Variants in CFAP221 observed in about 807,000 individuals in gnomAD.
CFAP221 encodes cilia and flagella associated protein 221.
CFAP221 carries 97 observed loss-of-function variants against 113.1 expected under a neutral mutation model. That is an observed-to-expected ratio of 0.86 (90% confidence interval 0.73 to 1.02). The LOEUF is 1.02. Ranked by LOEUF, CFAP221 falls within the 50% of genes least tolerant of loss-of-function variation. CFAP221 has a pLI of 0.00. For missense variants in CFAP221, 1,025 were observed against 1,013.4 expected, an observed-to-expected ratio of 1.01 and a Z score of -0.16; for synonymous variants, 331 against 354.4, an observed-to-expected ratio of 0.93 and a Z score of 0.74.
At chr2:119,616,522 C>T (rs1574142904) in intron 14 of CFAP221, among the ~76,000 whole-genome samples, 1 of 152,178 alleles carries the variant, frequency 6.6e-6, no homozygotes, top group Non-Finnish European at 1.5e-5. Context: ...GCTTCCTCAC[C>T]CTCATGCTGG....
intron 7 of CFAP221, among the ~76,000 whole-genome samples, chr2:119,596,491 C>T (rs1683988650): frequency 6.6e-6 from 1 of 152,346 alleles, no homozygotes; most frequent in East Asian, 1.9e-4. Context: ...TCTACTCAGA[C>T]TCCTTCTCCA....
chr2:119,609,344 G>T (rs1197865055), intron 12 of CFAP221, among the ~76,000 whole-genome samples: 1 of 152,186 alleles, frequency 6.6e-6, no homozygotes, highest in African/African-American at 2.4e-5. Flanking sequence ...GGCTCAGACT[G>T]CCATAACAAA....
At chr2:119,650,678 T>G (rs993237987) in intron 22 of CFAP221, among the ~76,000 whole-genome samples, 1 of 152,240 alleles carries the variant, frequency 6.6e-6, no homozygotes, top group African/African-American at 2.4e-5. Flanking sequence ...TTAATCCTTA[T>G]GATGAGCTCT....
intron 20 of CFAP221, 133 bp from the exon 21 acceptor site, chr2:119,639,648 A>C: frequency 1.4e-6 from 1 of 694,782 alleles, no homozygotes; most frequent in South Asian, 1.8e-5. Flanking sequence ...CTTCAGAAAA[A>C]TTCAAACTGA....
chr2:119,618,169 G>A (rs1158049996), intron 14 of CFAP221, among the ~76,000 whole-genome samples: 1 of 152,144 alleles, frequency 6.6e-6, no homozygotes, highest in Non-Finnish European at 1.5e-5. Context: ...TACACACGTG[G>A]AATATCAGCT....
intron 14 of CFAP221, among the ~76,000 whole-genome samples, chr2:119,622,659 G>T (rs942147169): frequency 6.6e-6 from 1 of 152,146 alleles, no homozygotes; most frequent in Admixed American, 6.5e-5. Flanking sequence ...ACATCAAAAA[G>T]GTTATCCATC....
intron 7 of CFAP221, chr2:119,589,958 G>C (rs1460050128): frequency 6.6e-6 from 1 of 152,036 alleles, no homozygotes; most frequent in Admixed American, 6.6e-5. Context: ...TTTTTTCCGT[G>C]AAATCTGAAG....
At chr2:119,660,172 TGAAAAGGTCGTGGCCCCTTG>T, downstream of CFAP221, 1 of 152,382 alleles carries the variant, frequency 6.6e-6, no homozygotes, top group South Asian at 2.1e-4. Context: ...CTCCCCAGGT[TGAAAAGGTCGTGGCCCCTTG>T]GAAAGATTGT....
intron 6 of CFAP221, 102 bp downstream of exon 6, chr2:119,562,216 T>C: frequency 1.6e-6 from 1 of 637,006 alleles, no homozygotes; most frequent in South Asian, 2.5e-5. Context: ...AGTTCATCCT[T>C]CCACCTGAAA....
chr2:119,554,968 G>A (rs888818618), intron 3 of CFAP221, among the ~76,000 whole-genome samples: 1 of 152,138 alleles, frequency 6.6e-6, no homozygotes, highest in Non-Finnish European at 1.5e-5. Context: ...TCCAAGCCAA[G>A]ACTTCACTGG....
At chr2:119,582,557 G>A (rs976042728) in intron 6 of CFAP221, among the ~76,000 whole-genome samples, 5 of 151,340 alleles carry the variant, frequency 3.3e-5, no homozygotes, top group Admixed American at 1.3e-4. Flanking sequence ...CCAGGCTTCA[G>A]CCATCAGCCC....
Position 119,656,445 on chromosome 2 carries a change from T to C in CFAP221, c.2498T>C (p.Leu833Pro), listed in dbSNP as rs749380442. ...ATGAGGAACCTGCGGGGCAAAGCACTCAACACATACCTGATTCTAGAATGA... is the reference window on the plus strand; with the variant it reads ...ATGAGGAACCTGCGGGGCAAAGCACCCAACACATACCTGATTCTAGAATGA... Reference protein sequence around the residue: ...EEMRNLRGKALNTYLILE With the variant: ...EEMRNLRGKAPNTYLILE Residue 833 changes from leucine (L) to proline (P), a missense_variant, in exon 24 of 24, where the codon CTC becomes CCC. Coordinates refer to ENST00000413369, the MANE Select transcript of CFAP221 (RefSeq NM_001271049.2). The C allele has an allele frequency of 1.2e-6, 2 of 1,613,834 alleles. No homozygotes were observed. The highest frequency in any genetic ancestry group is 2.2e-5 in the East Asian group (1 of 44,866).
chr2:119,639,968 C>A, intron 21 of CFAP221, 96 bp downstream of exon 21: 1 of 1,039,756 alleles, frequency 9.6e-7, no homozygotes, highest in South Asian at 1.4e-5. Flanking sequence ...ATATGTCAAA[C>A]CATACTTTTA....
chr2:119,598,869 A>G (rs948062812), intron 7 of CFAP221, among the ~76,000 whole-genome samples: 1 of 152,248 alleles, frequency 6.6e-6, no homozygotes, highest in African/African-American at 2.4e-5. Flanking sequence ...CAAGGCAAAC[A>G]TTAATCCTTG....
At chr2:119,547,940 A>G (rs1680163539) in intron 2 of CFAP221, among the ~76,000 whole-genome samples, 1 of 152,166 alleles carries the variant, frequency 6.6e-6, no homozygotes, top group Admixed American at 6.5e-5. Flanking sequence ...GGAATCAGAC[A>G]GACCTGGGGT....
At chr2:119,587,023 G>C in intron 6 of CFAP221, 96 bp from the exon 7 acceptor site, 1 of 870,456 alleles carries the variant, frequency 1.1e-6, no homozygotes, top group Non-Finnish European at 1.7e-6. Flanking sequence ...AGTCATCATT[G>C]TTTATTACGT....
chr2:119,567,000 A>G (rs1332653711), intron 6 of CFAP221, among the ~76,000 whole-genome samples: 1 of 152,192 alleles, frequency 6.6e-6, no homozygotes, highest in African/African-American at 2.4e-5. Context: ...TTTTTAATTC[A>G]TAGCAAAATT....
intron 6 of CFAP221, among the ~76,000 whole-genome samples, chr2:119,563,872 T>C (rs1429813873): frequency 6.6e-6 from 1 of 152,124 alleles, no homozygotes; most frequent in East Asian, 1.9e-4. Flanking sequence ...GACAAGAGGA[T>C]GGCACCGCAG....
chr2:119,553,853 A>C (rs569660298), intron 3 of CFAP221, among the ~76,000 whole-genome samples: 2 of 152,334 alleles, frequency 1.3e-5, no homozygotes, highest in South Asian at 2.1e-4. Flanking sequence ...CCTGACATGC[A>C]GAAGGCACCC....
Sources: allele counts gnomAD v4.1 joint callset (sites outside exome capture counted in the v4.1 genomes callset), GRCh38; gene constraint gnomAD v4.1.1; transcripts MANE v1.5; gene names NCBI Gene and HGNC (gene_info 2026-07-23, HGNC 2026-07-21).